The following PTPRT variants were observed in gnomAD, a reference collection of about 807,000 sequenced individuals.
PTPRT encodes the protein receptor-type tyrosine-protein phosphatase T.
PTPRT carries 56 observed loss-of-function variants against 176.8 expected under a neutral mutation model. The observed-to-expected ratio is 0.32, with a 90% CI of 0.26 to 0.40. PTPRT has a LOEUF of 0.40. Ranked by LOEUF, PTPRT falls within the 10% of genes least tolerant of loss-of-function variation. PTPRT has a pLI of 1.00. For missense variants in PTPRT, 1,540 were observed against 1,908.2 expected (o/e 0.81, Z 3.60); for synonymous variants, 783 against 739.0 (o/e 1.06, Z -0.96).
At chr20:42,420,419 T>G (rs1295286525) in intron 9 of PTPRT, among the ~76,000 whole-genome samples, 3 of 152,104 alleles carry the variant, frequency 2.0e-5, no homozygotes, top group African/African-American at 7.2e-5. Context: ...TTCTTTGCTC[T>G]GATTGCAAAC....
chr20:42,734,604 T>C (rs2076510504), intron 6 of PTPRT, among the ~76,000 whole-genome samples: 1 of 152,226 alleles, frequency 6.6e-6, no homozygotes, highest in African/African-American at 2.4e-5. Flanking sequence ...AAATCTGCTA[T>C]GAGAATTACC....
At chr20:42,797,160 T>C (rs1260896803) in intron 2 of PTPRT, among the ~76,000 whole-genome samples, 1 of 152,174 alleles carries the variant, frequency 6.6e-6, no homozygotes, top group Non-Finnish European at 1.5e-5. Context: ...CTGCCCCGTC[T>C]CCACCTCCCA....
chr20:42,169,773 CACACACACACACACACACAA>C (rs1252225881), intron 16 of PTPRT, among the ~76,000 whole-genome samples: 6 of 144,184 alleles, frequency 4.2e-5, no homozygotes, highest in East Asian at 4.1e-4. Context: ...CACACACACA[CACACACACACACACACACAA>C]CAGTCAGTAT....
chr20:42,659,826 G>A (rs2075192076), intron 7 of PTPRT, among the ~76,000 whole-genome samples: 2 of 152,044 alleles, frequency 1.3e-5, no homozygotes, highest in Admixed American at 6.6e-5. Context: ...CAATTAATCA[G>A]AGCTCTTGCC....
At chr20:42,646,506 G>A (rs1221543774) in intron 7 of PTPRT, among the ~76,000 whole-genome samples, 1 of 152,060 alleles carries the variant, frequency 6.6e-6, no homozygotes, top group Non-Finnish European at 1.5e-5. Context: ...GAGCCCTAGA[G>A]CTGCACTTCC....
At chr20:42,708,330 G>A (rs1211048323) in intron 6 of PTPRT, among the ~76,000 whole-genome samples, 1 of 152,132 alleles carries the variant, frequency 6.6e-6, no homozygotes, top group Non-Finnish European at 1.5e-5. Flanking sequence ...AGACAGGATA[G>A]ACTCTAATAG....
intron 12 of PTPRT, among the ~76,000 whole-genome samples, chr20:42,299,465 T>C (rs1434761153): frequency 1.3e-5 from 2 of 152,086 alleles, no homozygotes; most frequent in African/African-American, 4.8e-5. Flanking sequence ...TTTGCTAAGA[T>C]TAATATTTCT....
intron 11 of PTPRT, among the ~76,000 whole-genome samples, chr20:42,336,718 G>C (rs961829680): frequency 6.6e-6 from 1 of 151,840 alleles, no homozygotes; most frequent in Non-Finnish European, 1.5e-5. Flanking sequence ...AAAAAAAACT[G>C]GAAATGACCC....
intron 25 of PTPRT, 86 bp from the exon 26 acceptor site, chr20:42,102,383 A>C: frequency 1.4e-6 from 2 of 1,428,552 alleles, no homozygotes; most frequent in East Asian, 2.4e-5. Context: ...ACTCAGCCTA[A>C]CTCGCCTATT....
intron 1 of PTPRT, among the ~76,000 whole-genome samples, chr20:43,009,326 T>A (rs1311821550): frequency 2.0e-5 from 3 of 152,066 alleles, no homozygotes; most frequent in African/African-American, 7.2e-5. Context: ...GAATCTGAAA[T>A]CCCATAAAGA....
intron 3 of PTPRT, among the ~76,000 whole-genome samples, chr20:42,785,963 C>T (rs937819344): frequency 2.0e-5 from 3 of 152,138 alleles, no homozygotes; most frequent in Non-Finnish European, 4.4e-5. Context: ...TGTTGAGAGA[C>T]GAACGTGGTG....
Position 42,106,908 on chromosome 20 carries a change from G to A in PTPRT, c.3268C>T (p.Arg1090Trp), listed in dbSNP as rs1309966204. ...IVVHCSAGAG[R>W]TGCFIAIDTM... ...TCAATGGCAATGAAGCAGCCAGTCC[G>A]CCCAGCCCCAGCACTGGAAGAGAGG... Residue 1090 changes from arginine (R) to tryptophan (W), a missense_variant, in exon 24 of 31, where the codon CGG becomes TGG. Transcript: ENST00000373187. The A allele has an allele frequency of 6.2e-7, 1 of 1,614,040 alleles. No individual in the cohort carries two copies. The highest frequency in any genetic ancestry group is 2.2e-5 in the East Asian group (1 of 44,862).
At chr20:42,306,434 C>A (rs2057545797) in intron 12 of PTPRT, among the ~76,000 whole-genome samples, 1 of 152,176 alleles carries the variant, frequency 6.6e-6, no homozygotes, top group Non-Finnish European at 1.5e-5. Flanking sequence ...GGAACCTAGG[C>A]TCTGGTGACA....
In PTPRT at chr20:43,101,182, C is replaced by A. The variant is rs117688584; in HGVS notation, c.88+88464G>T. Among the ~76,000 whole-genome samples the A allele has an allele frequency of 2.1e-4, 32 of 152,198 alleles. 1 individual carries two copies. In the East Asian group the frequency reaches 6.2e-3, roughly 29 times the overall value. ...ACAAAGATAAGAAAATTCAAGTGCT[C>A]CGAACCTCAGTTTTCTTAACAATAA... On this transcript the variant is annotated intron_variant, in intron 1 of 30. Coordinates refer to ENST00000373187, the MANE Select transcript of PTPRT (RefSeq NM_007050.6).
intron 9 of PTPRT, among the ~76,000 whole-genome samples, chr20:42,382,420 T>G (rs756909273): frequency 3.9e-5 from 6 of 152,194 alleles, no homozygotes; most frequent in African/African-American, 1.4e-4. Flanking sequence ...GCCTTCTGCC[T>G]GGGTACACCA....
intron 11 of PTPRT, among the ~76,000 whole-genome samples, chr20:42,337,516 T>C (rs2058056951): frequency 1.3e-5 from 2 of 152,174 alleles, no homozygotes; most frequent in African/African-American, 4.8e-5. Context: ...CATCTCAGGT[T>C]CTGATCTAGA....
In PTPRT at chr20:42,074,700, G is replaced by A. The variant is rs923172842; in HGVS notation, c.*6179C>T. The A allele has an allele frequency of 1.0e-5, 4 of 398,326 alleles. No homozygotes were observed. Among genetic ancestry groups the A allele is most frequent in the African/African-American group, 8.2e-5 (4 of 48,624 alleles). 24.7% of individuals were successfully genotyped at this position (398,326 alleles called of 1,614,324 possible). On this transcript the variant is annotated 3_prime_UTR_variant, in exon 31 of 31. Coordinates refer to ENST00000373187, the MANE Select transcript of PTPRT (RefSeq NM_007050.6). ...CTAGGTTTGGAGGCTACCATTGTGA[G>A]TGTTGATGCCTCCTTTTAGAGACCT...
chr20:43,062,662 G>A (rs900004398), intron 1 of PTPRT, among the ~76,000 whole-genome samples: 1 of 152,136 alleles, frequency 6.6e-6, no homozygotes, highest in Non-Finnish European at 1.5e-5. Flanking sequence ...GTAGATGAAA[G>A]AATTCATGTT....
intron 14 of PTPRT, among the ~76,000 whole-genome samples, chr20:42,247,679 A>G (rs1256904911): frequency 6.6e-6 from 1 of 152,184 alleles, no homozygotes; most frequent in Non-Finnish European, 1.5e-5. Context: ...ACCACCTAGT[A>G]TTATAATGTG....
Sources: allele counts gnomAD v4.1 joint callset (sites outside exome capture counted in the v4.1 genomes callset), GRCh38; gene constraint gnomAD v4.1.1; transcripts MANE v1.5; gene names NCBI Gene and HGNC (gene_info 2026-07-23, HGNC 2026-07-21).